The following ALDH1L1 variants were observed in gnomAD, a reference collection of about 807,000 sequenced individuals.
ALDH1L1 encodes aldehyde dehydrogenase 1 family member L1, also known as cytosolic 10-formyltetrahydrofolate dehydrogenase.
A neutral mutation model predicts 101.1 loss-of-function variants in ALDH1L1; 68 were observed. That is an observed-to-expected ratio of 0.67 (90% CI 0.55 to 0.82). ALDH1L1 has a LOEUF of 0.82. Among genes scored for constraint, ALDH1L1 ranks in the 40% least tolerant of loss-of-function variants. The pLI, the probability that ALDH1L1 is intolerant of heterozygous loss-of-function variation, is 0.00. For synonymous variants in ALDH1L1, 486 were observed against 470.8 expected, an observed-to-expected ratio of 1.03 and a Z score of -0.42; for missense variants, 1,087 against 1,172.7, an observed-to-expected ratio of 0.93 and a Z score of 1.07.
intron 1 of ALDH1L1, among the ~76,000 whole-genome samples, chr3:126,163,191 C>T (rs1559967483): frequency 6.6e-6 from 1 of 151,970 alleles, no homozygotes; most frequent in South Asian, 2.1e-4. Context: ...CATTTGTATA[C>T]CTTCTTTGGA....
At chr3:126,111,630 G>A (rs904130439) in intron 19 of ALDH1L1, among the ~76,000 whole-genome samples, 6 of 152,164 alleles carry the variant, frequency 3.9e-5, no homozygotes, top group Admixed American at 6.5e-5. Context: ...CACTGCTTCC[G>A]GACTCTGAGC....
At position 126,120,136 on chromosome 3, in the gene ALDH1L1, G is replaced by A. The variant is rs1182242224; in HGVS notation, c.1889-2038C>T. ...CAACTGTGCTCCTTGATATTTACCC[G>A]AAGGAGTTGAAAACTTACGTCCACA... On this transcript the variant is annotated intron_variant, in intron 16 of 22. Transcript: ENST00000393434. Among the ~76,000 whole-genome samples, 6 of 152,218 alleles carry A rather than the reference G, an allele frequency of 3.9e-5. No homozygotes were observed. The South Asian group carries it at 6.2e-4, about 16-fold the overall frequency.
intron 17 of ALDH1L1, 54 bp downstream of exon 17, chr3:126,117,951 G>A (rs1249242036): frequency 4.6e-6 from 7 of 1,510,542 alleles, no homozygotes; most frequent in Non-Finnish European, 5.5e-6. Flanking sequence ...GCACTGCCAT[G>A]TCCCAGGCGC....
chr3:126,155,206 G>A (rs568161157), intron 5 of ALDH1L1, among the ~76,000 whole-genome samples, 196 bp downstream of exon 5: 3 of 152,118 alleles, frequency 2.0e-5, no homozygotes, highest in Non-Finnish European at 2.9e-5. Context: ...GACCCTGTTC[G>A]CTACCCTCCC....
chr3:126,176,363 G>C (rs1176948128), intron 1 of ALDH1L1, among the ~76,000 whole-genome samples: 2 of 152,252 alleles, frequency 1.3e-5, no homozygotes, highest in African/African-American at 4.8e-5. Context: ...CAAAAGACCT[G>C]GGATAGTCAA....
intron 12 of ALDH1L1, chr3:126,135,290 A>G (rs2080407535): frequency 5.2e-6 from 2 of 387,688 alleles, no homozygotes; most frequent in South Asian, 6.3e-5. Flanking sequence ...CACCTCCACC[A>G]GGCACCTCCC....
chr3:126,157,285 G>T, intron 4 of ALDH1L1, 58 bp downstream of exon 4: 1 of 1,566,090 alleles, frequency 6.4e-7, no homozygotes, highest in South Asian at 1.2e-5. Flanking sequence ...CTGGGTCTAG[G>T]GAGGATGCTT....
At chr3:126,152,145 G>A (rs187281641) in intron 7 of ALDH1L1, 1 of 152,462 alleles carries the variant, frequency 6.6e-6, no homozygotes, top group African/African-American at 2.4e-5. Flanking sequence ...GAGGGATTAT[G>A]CCTGGTGGGT....
chr3:126,136,471 G>A (rs2080447831), intron 11 of ALDH1L1, among the ~76,000 whole-genome samples: 1 of 152,138 alleles, frequency 6.6e-6, no homozygotes, highest in Non-Finnish European at 1.5e-5. Flanking sequence ...GTGTGCAAGT[G>A]TGGCAGTGGC....
chr3:126,164,483 T>C (rs1353189888), intron 1 of ALDH1L1, among the ~76,000 whole-genome samples: 1 of 152,242 alleles, frequency 6.6e-6, no homozygotes, highest in Non-Finnish European at 1.5e-5. Context: ...TATCTGGTTT[T>C]CTGTTTATGC....
intron 9 of ALDH1L1, among the ~76,000 whole-genome samples, chr3:126,141,966 G>T (rs769051252): frequency 2.1e-4 from 32 of 151,866 alleles, no homozygotes; most frequent in Non-Finnish European, 4.3e-4. Flanking sequence ...GACTGACCAA[G>T]AAACAAAAAG....
At chr3:126,111,762 C>T (rs1946084614) in intron 19 of ALDH1L1, among the ~76,000 whole-genome samples, 1 of 152,210 alleles carries the variant, frequency 6.6e-6, no homozygotes, top group South Asian at 2.1e-4. Context: ...GTGGCGGTTG[C>T]TGGCTGTTTC....
At chr3:126,148,532 A>G (rs2108275059) in intron 8 of ALDH1L1, among the ~76,000 whole-genome samples, 1 of 152,230 alleles carries the variant, frequency 6.6e-6, no homozygotes, top group East Asian at 1.9e-4. Context: ...TACATCCTGG[A>G]GGCCGAGTGC....
At chr3:126,108,621 G>A (rs1177852985) in intron 20 of ALDH1L1, among the ~76,000 whole-genome samples, 1 of 152,248 alleles carries the variant, frequency 6.6e-6, no homozygotes, top group African/African-American at 2.4e-5. Context: ...GAGCTCTGTT[G>A]AGGTGTGCGG....
intron 15 of ALDH1L1, among the ~76,000 whole-genome samples, chr3:126,124,805 G>A (rs1383139849): frequency 2.0e-5 from 3 of 152,230 alleles, no homozygotes; most frequent in Non-Finnish European, 4.4e-5. Flanking sequence ...ATAAGCAAAT[G>A]TATGTAAATT....
intron 12 of ALDH1L1, among the ~76,000 whole-genome samples, chr3:126,134,659 G>A (rs753524105): frequency 6.6e-6 from 1 of 152,160 alleles, no homozygotes; most frequent in Admixed American, 6.5e-5. Context: ...GGGCTGCCCC[G>A]GCTTTTCTGG....
intron 9 of ALDH1L1, among the ~76,000 whole-genome samples, chr3:126,143,273 C>A (rs2080604326): frequency 6.6e-6 from 1 of 152,030 alleles, no homozygotes; most frequent in African/African-American, 2.4e-5. Flanking sequence ...AGTCTGGGAC[C>A]ATCTATATAT....
chr3:126,108,596 G>A (rs763358987), intron 20 of ALDH1L1, among the ~76,000 whole-genome samples: 2 of 152,244 alleles, frequency 1.3e-5, no homozygotes, highest in Non-Finnish European at 2.9e-5. Context: ...GACAGCAGCA[G>A]TGCAATGGTC....
At chr3:126,154,929 C>T (rs1204954657) in intron 5 of ALDH1L1, among the ~76,000 whole-genome samples, 2 of 152,198 alleles carry the variant, frequency 1.3e-5, no homozygotes, top group African/African-American at 4.8e-5. Context: ...TGTACTCAGG[C>T]CCGTCCCATA....
Sources: allele counts gnomAD v4.1 joint callset (sites outside exome capture counted in the v4.1 genomes callset), GRCh38; gene constraint gnomAD v4.1.1; transcripts MANE v1.5; gene names NCBI Gene and HGNC (gene_info 2026-07-23, HGNC 2026-07-21).